The following PTPRT variants were observed in gnomAD, a reference collection of about 807,000 sequenced individuals.
PTPRT encodes receptor-type tyrosine-protein phosphatase T.
A neutral mutation model predicts 176.8 loss-of-function variants in PTPRT; 56 were observed. That is an observed-to-expected ratio of 0.32 (90% CI 0.26 to 0.40). PTPRT has a LOEUF of 0.40. PTPRT is among the 10% of genes least tolerant of loss of function. The pLI is 1.00. For missense variants in PTPRT, 1,540 were observed against 1,908.2 expected (o/e 0.81, Z 3.60); for synonymous variants, 783 against 739.0 (o/e 1.06, Z -0.96).
At chr20:42,437,139 C>T (rs1041179322) in intron 9 of PTPRT, among the ~76,000 whole-genome samples, 1 of 152,146 alleles carries the variant, frequency 6.6e-6, no homozygotes. Flanking sequence ...TAGGTGTTGT[C>T]AGCATTCTGG....
chr20:42,247,344 C>G (rs1204361398), intron 14 of PTPRT, among the ~76,000 whole-genome samples: 2 of 152,174 alleles, frequency 1.3e-5, no homozygotes, highest in Non-Finnish European at 2.9e-5. Flanking sequence ...AGAGGGTTGA[C>G]TGCATGTGTA....
chr20:42,729,720 A>G (rs531588970), intron 6 of PTPRT, among the ~76,000 whole-genome samples: 4 of 152,328 alleles, frequency 2.6e-5, no homozygotes, highest in African/African-American at 9.6e-5. Flanking sequence ...TGTACCCTTC[A>G]AGGTATCCAT....
intron 12 of PTPRT, among the ~76,000 whole-genome samples, chr20:42,283,170 G>C (rs1482694222): frequency 1.3e-5 from 2 of 152,154 alleles, no homozygotes; most frequent in African/African-American, 4.8e-5. Flanking sequence ...ATAAATGTGT[G>C]ATGTTGCTGG....
intron 11 of PTPRT, among the ~76,000 whole-genome samples, chr20:42,323,764 TAATAA>T (rs2057840908): frequency 6.6e-6 from 1 of 151,606 alleles, no homozygotes; most frequent in African/African-American, 2.4e-5. Flanking sequence ...AGTGTAATAA[TAATAA>T]AATAAAATAA....
chr20:42,244,349 T>C (rs1319088915), intron 14 of PTPRT, among the ~76,000 whole-genome samples: 1 of 152,140 alleles, frequency 6.6e-6, no homozygotes, highest in Non-Finnish European at 1.5e-5. Context: ...ACACTCCAAA[T>C]ACACTCTTGG....
At chr20:42,489,511 T>C (rs2071524929) in intron 7 of PTPRT, among the ~76,000 whole-genome samples, 1 of 152,098 alleles carries the variant, frequency 6.6e-6, no homozygotes, top group Admixed American at 6.6e-5. Context: ...CCTGACTTTT[T>C]TTTTTTTAAT....
In PTPRT at chr20:42,678,036, C is replaced by T. The variant is rs754008236; in HGVS notation, c.983G>A (p.Arg328His). Residue 328 changes from arginine (R) to histidine (H), a missense_variant, in exon 7 of 31, where the codon CGC becomes CAC. Transcript: ENST00000373187. ...CTCTGCCCACGTGCCTGTGGTGGTG[C>T]GATATTCCACTTCCTTCAGGATGAT... Reference protein sequence around the residue: ...GPIILKEVEYRTTTGTWAETH... With the variant: ...GPIILKEVEYHTTTGTWAETH... The T allele has an allele frequency of 9.9e-6, 16 of 1,614,120 alleles. No homozygotes were observed. The South Asian group carries it at 1.1e-4, about 11-fold the overall frequency.
intron 7 of PTPRT, among the ~76,000 whole-genome samples, chr20:42,646,977 C>T (rs1408384288): frequency 2.1e-5 from 3 of 143,220 alleles, no homozygotes; most frequent in Non-Finnish European, 3.0e-5. Flanking sequence ...TCACTGCAGC[C>T]TTAATCTACT....
intron 22 of PTPRT, among the ~76,000 whole-genome samples, chr20:42,112,867 C>CTGAAG (rs1459166364): frequency 6.6e-6 from 1 of 152,184 alleles, no homozygotes; most frequent in Non-Finnish European, 1.5e-5. Flanking sequence ...GATGAATGAG[C>CTGAAG]TGAAGTGAGA....
At chr20:42,316,389 G>T (rs2057722061) in intron 11 of PTPRT, among the ~76,000 whole-genome samples, 2 of 152,170 alleles carry the variant, frequency 1.3e-5, no homozygotes, top group Non-Finnish European at 2.9e-5. Flanking sequence ...ACAGAAGTCT[G>T]TTGATTTGGC....
chr20:42,891,850 C>A (rs905802858), intron 1 of PTPRT, among the ~76,000 whole-genome samples: 6 of 152,164 alleles, frequency 3.9e-5, no homozygotes, highest in Admixed American at 2.6e-4. Context: ...GACTCAAACA[C>A]CACCACTCTC....
intron 7 of PTPRT, among the ~76,000 whole-genome samples, chr20:42,661,606 T>C (rs965349884): frequency 3.9e-5 from 6 of 152,096 alleles, no homozygotes; most frequent in African/African-American, 1.4e-4. Flanking sequence ...GTTACAAGCT[T>C]CTAATGATTA....
chr20:42,202,213 G>A (rs534566777), intron 15 of PTPRT, among the ~76,000 whole-genome samples: 9 of 152,172 alleles, frequency 5.9e-5, no homozygotes, highest in Non-Finnish European at 1.2e-4. Context: ...CAGGCAATCC[G>A]CCTGCATTGG....
chr20:42,601,464 A>G (rs2073780233), intron 7 of PTPRT, among the ~76,000 whole-genome samples: 1 of 152,210 alleles, frequency 6.6e-6, no homozygotes, highest in Non-Finnish European at 1.5e-5. Context: ...AAGGCCAGAA[A>G]CCATCTTCCA....
At position 42,916,552 on chromosome 20, in the gene PTPRT, A is replaced by C. The variant is rs187628667; in HGVS notation, c.89-30620T>G. Reference sequence around the variant, plus strand: ...GAGGAATCGCCACACTGACTTCCACAATGGTTAAACTAGTTTACAGTCCCA... The same window carrying C: ...GAGGAATCGCCACACTGACTTCCACCATGGTTAAACTAGTTTACAGTCCCA... On this transcript the variant is annotated intron_variant, in intron 1 of 30. Coordinates refer to ENST00000373187, the MANE Select transcript of PTPRT (RefSeq NM_007050.6). Among the ~76,000 whole-genome samples, 14 of 152,322 alleles carry C rather than the reference A, an allele frequency of 9.2e-5. No homozygotes were observed. The East Asian group carries it at 2.3e-3, about 25-fold the overall frequency.
intron 9 of PTPRT, among the ~76,000 whole-genome samples, chr20:42,379,677 T>A (rs1393796734): frequency 6.6e-6 from 1 of 152,256 alleles, no homozygotes. Flanking sequence ...TGAAACAGAC[T>A]GGCCGAGGCT....
intron 16 of PTPRT, among the ~76,000 whole-genome samples, chr20:42,177,045 A>G (rs1388259497): frequency 1.3e-5 from 2 of 152,246 alleles, no homozygotes; most frequent in Non-Finnish European, 2.9e-5. Flanking sequence ...TGTTACCACT[A>G]AATTATCTTG....
chr20:42,449,998 A>G (rs1008915209), intron 8 of PTPRT, among the ~76,000 whole-genome samples: 17 of 152,238 alleles, frequency 1.1e-4, no homozygotes, highest in Non-Finnish European at 7.3e-5. Context: ...CCTACTGTGC[A>G]TATTTCATTG....
intron 1 of PTPRT, among the ~76,000 whole-genome samples, chr20:42,952,073 C>T (rs563207464): frequency 6.6e-6 from 1 of 152,292 alleles, no homozygotes; most frequent in Admixed American, 6.5e-5. Flanking sequence ...GTCAGAAGGT[C>T]GAGAGAGACT....
Sources: gnomAD v4.1 joint callset for allele counts (sites outside exome capture counted in the v4.1 genomes callset) on GRCh38, gnomAD v4.1.1 for gene constraint, MANE v1.5 for transcripts, NCBI Gene and HGNC (gene_info 2026-07-23, HGNC 2026-07-21) for gene names.